The following MYOCOS variants were observed in gnomAD, a reference collection of about 807,000 sequenced individuals.
MYOCOS encodes the protein myocilin opposite strand protein.
rs1344288532 is a variant in MYOCOS, at chr1:171,626,786, A to G, written c.*185A>G. ...AGACTTAGTCATTTTTGGTTTTTTAATCCAAGTCTCTGATATGATATGCAT... is the reference window on the plus strand; with the variant it reads ...AGACTTAGTCATTTTTGGTTTTTTAGTCCAAGTCTCTGATATGATATGCAT... On this transcript the variant is annotated 3_prime_UTR_variant, in exon 3 of 3. Coordinates refer to ENST00000637642, the MANE Select transcript of MYOCOS (RefSeq NM_001391940.1). The G allele has an allele frequency of 2.6e-6, 1 of 391,672 alleles. No individual in the cohort carries two copies. Among genetic ancestry groups the G allele is most frequent in the East Asian group, 3.6e-5 (1 of 27,550 alleles). 24.3% of individuals were successfully genotyped at this position (391,672 alleles called of 1,614,324 possible). A position where few individuals can be genotyped will look rare whatever the true frequency, so the allele number is the denominator to read the frequency against.
chr1:171,626,416 C>A (rs957215200), intron 2 of MYOCOS, 38 bp from the exon 3 acceptor site: 7 of 398,260 alleles, frequency 1.8e-5, no homozygotes, highest in Non-Finnish European at 2.7e-5. Flanking sequence ...AAAACCCTAT[C>A]TTTATTCAAA....
At chr1:171,624,469 C>T (rs778831710) in intron 2 of MYOCOS, among the ~76,000 whole-genome samples, 11 of 129,958 alleles carry the variant, frequency 8.5e-5, no homozygotes, top group African/African-American at 1.7e-4. Flanking sequence ...TATATTGAGA[C>T]GGAGTCTCTC....
At chr1:171,617,299 G>T (rs904510694), upstream of MYOCOS, among the ~76,000 whole-genome samples, 43 of 152,264 alleles carry the variant, frequency 2.8e-4, no homozygotes, top group African/African-American at 1.0e-3. Context: ...GATAAGTGGT[G>T]TAGTTATGAA....
chr1:171,615,550 G>A (rs1357543534), intron 2 of MYOCOS, among the ~76,000 whole-genome samples: 1 of 152,150 alleles, frequency 6.6e-6, no homozygotes, highest in Non-Finnish European at 1.5e-5. Context: ...ACCAGGCCTG[G>A]GCCTGCCTGG....
intron 1 of MYOCOS, among the ~76,000 whole-genome samples, chr1:171,612,886 T>G (rs1421450136): frequency 1.3e-5 from 2 of 152,150 alleles, no homozygotes; most frequent in Admixed American, 1.3e-4. Flanking sequence ...ACTATCAATT[T>G]CCAAATATGT....
At chr1:171,614,984 G>T (rs1439470400) in exon 2 of MYOCOS, 1 of 152,260 alleles carries the variant, frequency 6.6e-6, no homozygotes, top group African/African-American at 2.4e-5. Flanking sequence ...AGGCCAGATG[G>T]TTGAAACCAG....
At chr1:171,605,406 AAC>A (rs1652227159) in intron 1 of MYOCOS, among the ~76,000 whole-genome samples, 1 of 99,042 alleles carries the variant, frequency 1.0e-5, no homozygotes, top group Non-Finnish European at 2.4e-5. Context: ...AAAAAAAAAA[AAC>A]AGTTACATGA....
At chr1:171,612,883 A>G (rs1387057914) in intron 1 of MYOCOS, among the ~76,000 whole-genome samples, 1 of 152,186 alleles carries the variant, frequency 6.6e-6, no homozygotes. Context: ...AGTACTATCA[A>G]TTTCCAAATA....
chr1:171,613,289 C>G (rs1464165206), intron 1 of MYOCOS, among the ~76,000 whole-genome samples: 1 of 152,170 alleles, frequency 6.6e-6, no homozygotes, highest in African/African-American at 2.4e-5. Flanking sequence ...AGATATTCAT[C>G]TGGTTGCACA....
chr1:171,613,458 G>A (rs1652388174), intron 1 of MYOCOS, among the ~76,000 whole-genome samples: 1 of 152,148 alleles, frequency 6.6e-6, no homozygotes, highest in African/African-American at 2.4e-5. Flanking sequence ...TTCCAAGTAT[G>A]TTAGCCCATT....
intron 1 of MYOCOS, among the ~76,000 whole-genome samples, chr1:171,609,797 G>A (rs1316697667): frequency 2.6e-5 from 4 of 152,082 alleles, no homozygotes; most frequent in African/African-American, 9.7e-5. Flanking sequence ...CACTGCACCC[G>A]GCCAACAAGT....
chr1:171,610,501 G>A (rs931746357), intron 1 of MYOCOS, among the ~76,000 whole-genome samples: 2 of 152,204 alleles, frequency 1.3e-5, no homozygotes, highest in African/African-American at 4.8e-5. Context: ...CAGGAGCATG[G>A]TGCCAGCATT....
chr1:171,602,697 C>A (rs1225546001), intron 1 of MYOCOS, among the ~76,000 whole-genome samples: 1 of 151,902 alleles, frequency 6.6e-6, no homozygotes, highest in Non-Finnish European at 1.5e-5. Context: ...TAATAACACC[C>A]TAATATAAAA....
intron 1 of MYOCOS, among the ~76,000 whole-genome samples, chr1:171,602,042 TA>T (rs879909075): frequency 2.0e-3 from 276 of 139,230 alleles, no homozygotes; most frequent in Admixed American, 1.9e-3. Flanking sequence ...AAGTTTGCTT[TA>T]AAAAAAAAAA....
chr1:171,620,548 T>A (rs1366007692), upstream of MYOCOS, among the ~76,000 whole-genome samples: 1 of 152,106 alleles, frequency 6.6e-6, no homozygotes, highest in East Asian at 1.9e-4. Flanking sequence ...TCATCTATTG[T>A]CTCTAAGGGC....
At chr1:171,603,063 C>T (rs1018710458) in intron 1 of MYOCOS, among the ~76,000 whole-genome samples, 1 of 152,216 alleles carries the variant, frequency 6.6e-6, no homozygotes, top group East Asian at 1.9e-4. Context: ...CAGGATTCTA[C>T]AGCCTAGAGT....
Position 171,606,123 on chromosome 1 carries a change from T to C in MYOCOS, c.-252+5043T>C, listed in dbSNP as rs562723582. Among the ~76,000 whole-genome samples, 124 of 152,322 alleles carry C rather than the reference T, an allele frequency of 8.1e-4. 1 individual carries two copies. Among genetic ancestry groups the C allele is most frequent in the African/African-American group, 2.9e-3 (122 of 41,570 alleles). On this transcript the variant is annotated intron_variant, in intron 1 of 3. Coordinates refer to the MYOCOS transcript ENST00000636697. ...CAGCACTAAGAGGATTTAAAACTCT[T>C]ATAATAGGAGTTATAATAGTAATAG...
At chr1:171,624,273 G>GT (rs531752836) in intron 2 of MYOCOS, among the ~76,000 whole-genome samples, 1 of 151,836 alleles carries the variant, frequency 6.6e-6, no homozygotes, top group Non-Finnish European at 1.5e-5. Flanking sequence ...GTTTGGTTTT[G>GT]TTTTTTTGAG....
At chr1:171,621,879 G>T (rs1049524664), upstream of MYOCOS, among the ~76,000 whole-genome samples, 1 of 152,176 alleles carries the variant, frequency 6.6e-6, no homozygotes, top group African/African-American at 2.4e-5. Flanking sequence ...TTAAAAAAAT[G>T]CAAGAAAGGC....
Sources: gnomAD v4.1 joint callset for allele counts (sites outside exome capture counted in the v4.1 genomes callset) on GRCh38, gnomAD v4.1.1 for gene constraint, MANE v1.5 for transcripts, NCBI Gene and HGNC (gene_info 2026-07-23, HGNC 2026-07-21) for gene names.